The following ZNF609 variants were observed in gnomAD, a reference collection of about 807,000 sequenced individuals.
ZNF609 encodes zinc finger protein 609.
ZNF609 carries 11 observed loss-of-function variants against 109.5 expected under a neutral mutation model. The observed-to-expected ratio is 0.10, with a 90% CI of 0.06 to 0.17. ZNF609 has a LOEUF of 0.17. Ranked by LOEUF, ZNF609 falls within the 10% of genes least tolerant of loss-of-function variation. ZNF609 has a pLI of 1.00. For missense variants in ZNF609, 1,559 were observed against 1,772.4 expected (o/e 0.88, Z 2.16); for synonymous variants, 646 against 662.0 (o/e 0.98, Z 0.37).
intron 2 of ZNF609, among the ~76,000 whole-genome samples, chr15:64,567,247 A>T (rs748601486): frequency 2.2e-4 from 33 of 152,092 alleles, no homozygotes; most frequent in Middle Eastern, 3.2e-3. Flanking sequence ...GCACTTTGGG[A>T]GGCCGAGGCG....
At chr15:64,468,896 T>C (rs1244043700) in intron 1 of ZNF609, among the ~76,000 whole-genome samples, 1 of 151,966 alleles carries the variant, frequency 6.6e-6, no homozygotes, top group Non-Finnish European at 1.5e-5. Flanking sequence ...GCGGTTCCAT[T>C]TAGCTGTAGA....
At chr15:64,526,182 C>T in intron 2 of ZNF609, among the ~76,000 whole-genome samples, 1 of 146,760 alleles carries the variant, frequency 6.8e-6, no homozygotes, top group East Asian at 2.0e-4. Flanking sequence ...TAAATTTATT[C>T]CTGAGGATTT....
chr15:64,606,639 G>A (rs1187666323), intron 2 of ZNF609, among the ~76,000 whole-genome samples: 1 of 151,642 alleles, frequency 6.6e-6, no homozygotes, highest in Non-Finnish European at 1.5e-5. Flanking sequence ...TCAAATTCCT[G>A]AGTTCAAGCA....
chr15:64,557,220 C>CA (rs1266421502), intron 2 of ZNF609, among the ~76,000 whole-genome samples: 20 of 148,418 alleles, frequency 1.3e-4, no homozygotes, highest in South Asian at 6.3e-4. Flanking sequence ...CTTCTGATAC[C>CA]AAAAAAATGT....
chr15:64,477,286 G>T (rs764309319), intron 1 of ZNF609, among the ~76,000 whole-genome samples: 2 of 151,332 alleles, frequency 1.3e-5, no homozygotes, highest in East Asian at 3.9e-4. Context: ...GACTACAGGC[G>T]CCTGCCCCCA....
chr15:64,652,118 C>T (rs182696045), intron 3 of ZNF609, among the ~76,000 whole-genome samples: 1 of 152,230 alleles, frequency 6.6e-6, no homozygotes, highest in Admixed American at 6.5e-5. Context: ...CAGCTCACTG[C>T]AACCTCTGCC....
At chr15:64,602,889 ATTTTTTTTT>A (rs10600562) in intron 2 of ZNF609, among the ~76,000 whole-genome samples, 38 of 75,174 alleles carry the variant, frequency 5.1e-4, no homozygotes, top group African/African-American at 2.0e-3. Context: ...CTCTGGGCTA[ATTTTTTTTT>A]TTTTTTTTTT....
At chr15:64,465,358 C>T (rs1387432413) in intron 1 of ZNF609, among the ~76,000 whole-genome samples, 2 of 150,056 alleles carry the variant, frequency 1.3e-5, no homozygotes, top group African/African-American at 4.8e-5. Context: ...GTTTGCATCT[C>T]TTCGGTTGTT....
At chr15:64,471,426 T>C (rs564363312) in intron 1 of ZNF609, 2 of 152,262 alleles carry the variant, frequency 1.3e-5, no homozygotes, top group African/African-American at 4.8e-5. Flanking sequence ...TTGTTTGTTT[T>C]GGATCATTAA....
chr15:64,600,953 GAAA>G (rs756432816), intron 2 of ZNF609, among the ~76,000 whole-genome samples: 13 of 152,018 alleles, frequency 8.6e-5, no homozygotes, highest in Non-Finnish European at 7.4e-5. Context: ...TATTTGTACT[GAAA>G]AATCAGAGCC....
chr15:64,675,544 G>T lies in ZNF609; in HGVS notation c.2690G>T (p.Ser897Ile). The change falls in exon 5 of 10, where the codon AGT (serine) becomes ATT (isoleucine). Residue 897 changes from serine to isoleucine, a missense_variant. Ser to Ile is a moderately radical substitution (Grantham distance 142). Around this residue, in one of 4 missense-constraint regions of ZNF609, gnomAD observed 1,204 missense variants for 1,314.1 expected, o/e 0.92. Transcript: ENST00000326648. The stretch of plus-strand genomic sequence containing the variant: ...TCACCATATTACCAAGGCTTTGAGA[G>T]TTACTATTCTCCAAGTTATGCACAG... ...KDSPYYQGFESYYSPSYAQSS... is the reference protein window; with the variant it reads ...KDSPYYQGFEIYYSPSYAQSS... 6.2e-7 allele frequency: 1 copy of T among 1,614,184 alleles called. No homozygotes were observed. The highest frequency in any genetic ancestry group is 8.5e-7 in the Non-Finnish European group (1 of 1,180,044).
chr15:64,504,780 C>G (rs1284335762), intron 2 of ZNF609, among the ~76,000 whole-genome samples: 1 of 152,052 alleles, frequency 6.6e-6, no homozygotes, highest in Non-Finnish European at 1.5e-5. Context: ...CACACCCAGC[C>G]TATTTGCTTA....
chr15:64,479,987 C>G (rs1893229225), intron 1 of ZNF609, among the ~76,000 whole-genome samples: 1 of 38,278 alleles, frequency 2.6e-5, no homozygotes, highest in African/African-American at 4.6e-5. Flanking sequence ...TTAATCCTAA[C>G]ACTTTGGGAG....
chr15:64,514,367 G>A (rs1893777344), intron 2 of ZNF609, among the ~76,000 whole-genome samples: 1 of 152,170 alleles, frequency 6.6e-6, no homozygotes, highest in Non-Finnish European at 1.5e-5. Flanking sequence ...TTAATGTAAT[G>A]ATTATTGTAA....
At chr15:64,619,170 T>C (rs1028428979) in intron 2 of ZNF609, among the ~76,000 whole-genome samples, 1 of 152,166 alleles carries the variant, frequency 6.6e-6, no homozygotes, top group Admixed American at 6.5e-5. Context: ...TGTTTTTGTT[T>C]TTAATTTTTT....
intron 1 of ZNF609, among the ~76,000 whole-genome samples, chr15:64,467,871 G>A (rs1225276564): frequency 1.3e-5 from 2 of 152,044 alleles, no homozygotes; most frequent in East Asian, 3.9e-4. Context: ...TGTGCCTTAA[G>A]TAACCCCTGT....
intron 2 of ZNF609, among the ~76,000 whole-genome samples, chr15:64,520,547 T>C (rs1285028755): frequency 6.6e-6 from 1 of 152,192 alleles, no homozygotes; most frequent in Admixed American, 6.5e-5. Flanking sequence ...CCCTAACCTG[T>C]GTCTCAGTTT....
intron 1 of ZNF609, among the ~76,000 whole-genome samples, chr15:64,482,375 CG>C (rs893491663): frequency 6.6e-5 from 10 of 151,616 alleles, no homozygotes; most frequent in African/African-American, 2.2e-4. Context: ...ATTTCCTATA[CG>C]TTTTTTTTTT....
chr15:64,487,357 G>C (rs1298593205), intron 1 of ZNF609, among the ~76,000 whole-genome samples: 2 of 152,020 alleles, frequency 1.3e-5, no homozygotes, highest in Non-Finnish European at 2.9e-5. Flanking sequence ...CAATTCTCTT[G>C]TTCATAGGTA....
Sources: allele counts gnomAD v4.1 joint callset (sites outside exome capture counted in the v4.1 genomes callset), GRCh38; gene constraint gnomAD v4.1.1; regional missense constraint gnomAD v4.1.1; transcripts MANE v1.5; gene names NCBI Gene and HGNC (gene_info 2026-07-23, HGNC 2026-07-21).